Variants in GLI2 observed in about 807,000 individuals in gnomAD.
The protein encoded by GLI2 is GLI family zinc finger 2, also known as transcription activator GLI2.
Under a neutral mutation model 78.9 loss-of-function variants are expected in GLI2, and 22 were observed. The ratio of observed to expected loss-of-function variants is 0.28; its 90% CI spans 0.20 to 0.40. GLI2 has a LOEUF of 0.40. Among genes scored for constraint, GLI2 ranks in the 10% least tolerant of loss-of-function variants. GLI2 has a pLI of 1.00. For missense variants in GLI2, 2,097 were observed against 2,213.2 expected (o/e 0.95, Z 1.05); for synonymous variants, 974 against 963.7 (o/e 1.01, Z -0.20).
intron 2 of GLI2, among the ~76,000 whole-genome samples, chr2:120,817,685 C>G (rs929784539): frequency 2.0e-5 from 3 of 152,228 alleles, no homozygotes; most frequent in Admixed American, 2.0e-4. Context: ...GCCCAGACCC[C>G]TATATCTGTC....
intron 2 of GLI2, among the ~76,000 whole-genome samples, chr2:120,798,138 A>T (rs1684496925): frequency 6.6e-6 from 1 of 152,168 alleles, no homozygotes; most frequent in African/African-American, 2.4e-5. Flanking sequence ...GAATGGAGAG[A>T]CTTCGATTTC....
chr2:120,754,442 C>T (rs1682978201), intron 1 of GLI2, among the ~76,000 whole-genome samples: 1 of 152,170 alleles, frequency 6.6e-6, no homozygotes, highest in South Asian at 2.1e-4. Context: ...GTCCCCCCAC[C>T]CCACCCCCTG....
chr2:120,945,884 A>G lies in GLI2; in HGVS notation c.255-5359A>G, dbSNP rs544129994. 5.9e-5 allele frequency among the ~76,000 whole-genome samples: 9 copies of G among 152,124 alleles called. No individual in the cohort carries two copies. The South Asian group carries it at 1.7e-3, about 28-fold the overall frequency. On this transcript the variant is annotated intron_variant, in intron 3 of 13. Coordinates refer to ENST00000361492, the MANE Select transcript of GLI2 (RefSeq NM_001374353.1). ...GTGTCCCCTGCCCAGAGCAGCAGAA[A>G]GGAAGTGGGTTCAATATAGACCCAG...
At chr2:120,844,885 A>G (rs560087815) in intron 2 of GLI2, among the ~76,000 whole-genome samples, 2 of 152,278 alleles carry the variant, frequency 1.3e-5, no homozygotes, top group East Asian at 3.9e-4. Flanking sequence ...TTGCTGCATG[A>G]TTCCAGGTGA....
chr2:120,844,787 C>G (rs1407625444), intron 2 of GLI2, among the ~76,000 whole-genome samples: 1 of 152,206 alleles, frequency 6.6e-6, no homozygotes, highest in Non-Finnish European at 1.5e-5. Context: ...GCAGAGACCC[C>G]TCAGTCTCAG....
chr2:120,779,142 G>A (rs927792234), intron 1 of GLI2, among the ~76,000 whole-genome samples: 1 of 152,208 alleles, frequency 6.6e-6, no homozygotes, highest in African/African-American at 2.4e-5. Flanking sequence ...ACTGCCCAGA[G>A]TACTTACACG....
intron 2 of GLI2, among the ~76,000 whole-genome samples, chr2:120,923,391 T>C (rs1436486926): frequency 8.3e-6 from 1 of 120,274 alleles, no homozygotes; most frequent in Non-Finnish European, 1.8e-5. Flanking sequence ...CAGCAACACA[T>C]GCATACAACA....
chr2:120,804,953 G>A (rs1010755890), intron 2 of GLI2, among the ~76,000 whole-genome samples: 3 of 152,334 alleles, frequency 2.0e-5, no homozygotes, highest in Admixed American at 6.5e-5. Flanking sequence ...TGTCTTCTGG[G>A]CAAATCAAGG....
chr2:120,866,333 G>A (rs1232833096), intron 2 of GLI2: 1 of 152,366 alleles, frequency 6.6e-6, no homozygotes, highest in Non-Finnish European at 1.5e-5. Flanking sequence ...CCCCCTCCTG[G>A]TCAGGGCCCT....
intron 2 of GLI2, among the ~76,000 whole-genome samples, chr2:120,845,483 G>T (rs545367957): frequency 2.4e-4 from 37 of 152,164 alleles, no homozygotes; most frequent in African/African-American, 7.7e-4. Context: ...ACTTTCTGCC[G>T]TGCTCACATG....
chr2:120,741,060 C>T (rs1573544504), intron 1 of GLI2, among the ~76,000 whole-genome samples: 1 of 152,338 alleles, frequency 6.6e-6, no homozygotes, highest in East Asian at 1.9e-4. Flanking sequence ...CTCCTGGGTC[C>T]TGGCTCAGTG....
intron 2 of GLI2, among the ~76,000 whole-genome samples, chr2:120,874,694 A>G (rs575132459): frequency 6.6e-6 from 1 of 152,366 alleles, no homozygotes; most frequent in East Asian, 1.9e-4. Context: ...CTCTCTGCTC[A>G]GGAGGACGCA....
intron 2 of GLI2, among the ~76,000 whole-genome samples, chr2:120,838,031 G>A (rs1037679204): frequency 1.1e-4 from 16 of 152,292 alleles, no homozygotes; most frequent in Admixed American, 5.9e-4. Context: ...CCCTGTTGGG[G>A]TTTTGATTAT....
At chr2:120,816,491 G>A (rs1429119363) in intron 2 of GLI2, among the ~76,000 whole-genome samples, 2 of 151,928 alleles carry the variant, frequency 1.3e-5, no homozygotes, top group East Asian at 1.9e-4. Context: ...CACGGCGCCC[G>A]GCCCCAAAGA....
At chr2:120,957,271 G>T (rs1304562784) in intron 5 of GLI2, among the ~76,000 whole-genome samples, 1 of 152,144 alleles carries the variant, frequency 6.6e-6, no homozygotes, top group African/African-American at 2.4e-5. Flanking sequence ...ATGGTGTTTA[G>T]TCCAGAATTA....
chr2:120,965,318 C>G (rs1681791545), intron 5 of GLI2, among the ~76,000 whole-genome samples: 1 of 150,320 alleles, frequency 6.7e-6, no homozygotes, highest in East Asian at 2.0e-4. Context: ...GGGGCATACA[C>G]CAGCCAGGAT....
At chr2:120,945,916 G>A (rs1680683695) in intron 3 of GLI2, among the ~76,000 whole-genome samples, 1 of 149,006 alleles carries the variant, frequency 6.7e-6, no homozygotes, top group South Asian at 2.1e-4. Flanking sequence ...CCAGCCCAAA[G>A]CACTCTGTGG....
At chr2:120,904,680 T>C (rs78900648) in intron 2 of GLI2, among the ~76,000 whole-genome samples, 1 of 152,136 alleles carries the variant, frequency 6.6e-6, no homozygotes. Flanking sequence ...ACTGGGGAGC[T>C]TTTTAAAACG....
chr2:120,820,723 G>T (rs1469438073), intron 2 of GLI2, among the ~76,000 whole-genome samples: 1 of 152,250 alleles, frequency 6.6e-6, no homozygotes, highest in Non-Finnish European at 1.5e-5. Context: ...GAAGGAAAGA[G>T]TGAGCGCTGG....
Sources: allele counts gnomAD v4.1 joint callset (sites outside exome capture counted in the v4.1 genomes callset), GRCh38; gene constraint gnomAD v4.1.1; transcripts MANE v1.5; gene names NCBI Gene and HGNC (gene_info 2026-07-23, HGNC 2026-07-21).